The following DHX9 variants were observed in gnomAD, a reference collection of about 807,000 sequenced individuals.
DHX9 encodes DExH-box helicase 9.
In DHX9, 27 loss-of-function variants were observed where a neutral mutation model predicts 148.7. The ratio of observed to expected loss-of-function variants is 0.18; its 90% CI spans 0.13 to 0.25. The LOEUF is 0.25. DHX9 is among the 10% of genes least tolerant of loss of function. The pLI is 1.00. For synonymous variants in DHX9, 529 were observed against 516.6 expected (o/e 1.02, Z -0.33); for missense variants, 796 against 1,559.6 (o/e 0.51, Z 8.25).
chr1:182,874,393 G>C (rs1648673900), intron 15 of DHX9, among the ~76,000 whole-genome samples: 1 of 152,096 alleles, frequency 6.6e-6, no homozygotes, highest in African/African-American at 2.4e-5. Flanking sequence ...AGACATTCTG[G>C]GGCCATCTGA....
chr1:182,841,800 T>C (rs187799584), intron 1 of DHX9, among the ~76,000 whole-genome samples: 26 of 152,362 alleles, frequency 1.7e-4, no homozygotes, highest in South Asian at 4.1e-4. Flanking sequence ...CTCCATATCT[T>C]GTGGTATTTT....
In DHX9 at chr1:182,879,342, A is replaced by G; in HGVS notation, c.2444A>G (p.Gln815Arg). ...CTTCTGCGTCTAGGAGGAATTGGCC[A>G]ATTTCTGGCCAAAGCAATTGAACCT... is the stretch of plus-strand genomic sequence containing the variant. ...IKLLRLGGIG[Q>R]FLAKAIEPPP... Residue 815 changes from glutamine to arginine, a missense_variant, in exon 21 of 28, where the codon CAA becomes CGA. Physicochemically the swap from Gln to Arg is conservative, Grantham distance 43. This residue lies in a region of DHX9 where 122 missense variants were observed against 289.3 expected (regional missense o/e 0.42). Coordinates refer to ENST00000367549, the MANE Select transcript of DHX9 (RefSeq NM_001357.5). The G allele has an allele frequency of 2.6e-6, 4 of 1,548,666 alleles. No homozygotes were observed. Among genetic ancestry groups the G allele is most frequent in the Non-Finnish European group, 3.5e-6 (4 of 1,132,104 alleles).
intron 4 of DHX9, 79 bp downstream of exon 4, chr1:182,852,423 G>C (rs1360454862): frequency 9.5e-7 from 1 of 1,051,374 alleles, no homozygotes. Flanking sequence ...TCTCGTTTTG[G>C]GTAGAAAGAA....
At chr1:182,852,122 T>A in intron 3 of DHX9, 111 bp from the exon 4 acceptor site, 1 of 612,578 alleles carries the variant, frequency 1.6e-6, no homozygotes, top group Non-Finnish European at 2.9e-6. Context: ...AAGATGGTAA[T>A]ATTACAAAGA....
At chr1:182,840,235 G>A (rs1667895803) in intron 1 of DHX9, among the ~76,000 whole-genome samples, 2 of 150,790 alleles carry the variant, frequency 1.3e-5, no homozygotes, top group South Asian at 4.2e-4. Flanking sequence ...TTTTGAAGCA[G>A]AAATGCGTAG....
intron 22 of DHX9, 131 bp downstream of exon 22, chr1:182,880,739 C>G: frequency 3.2e-6 from 2 of 622,566 alleles, no homozygotes; most frequent in East Asian, 2.8e-5. Context: ...AAGTAACATA[C>G]CTAGATATTG....
chr1:182,867,551 C>T (rs1207684036), intron 14 of DHX9, among the ~76,000 whole-genome samples: 1 of 152,112 alleles, frequency 6.6e-6, no homozygotes, highest in Non-Finnish European at 1.5e-5. Context: ...TGCAGGTGCC[C>T]ACCACCATGC....
At chr1:182,844,755 G>A (rs1056588546) in intron 3 of DHX9, among the ~76,000 whole-genome samples, 8 of 152,120 alleles carry the variant, frequency 5.3e-5, no homozygotes, top group Admixed American at 3.9e-4. Flanking sequence ...GGCTGGTCTC[G>A]AACTCCTGAC....
At position 182,871,406 on chromosome 1, in the gene DHX9, C is replaced by G. The variant is rs142259755; in HGVS notation, c.1558-931C>G. 6.3e-3 allele frequency among the ~76,000 whole-genome samples: 959 copies of G among 152,238 alleles called. 12 individuals carry two copies. Among genetic ancestry groups the G allele is most frequent in the South Asian group, 0.056 (270 of 4,818 alleles). ...GGAGAGTATGTGGATCAGCAGGATCCCTTATCCACTGCTTATGGGGATATA... is the reference window on the plus strand; with the variant it reads ...GGAGAGTATGTGGATCAGCAGGATCGCTTATCCACTGCTTATGGGGATATA... On this transcript the variant is annotated intron_variant, in intron 14 of 27. Coordinates refer to ENST00000367549, the MANE Select transcript of DHX9 (RefSeq NM_001357.5).
Position 182,884,826 on chromosome 1 carries a change from A to AT in DHX9, c.3461+14dup. 1 of 1,613,326 alleles carries AT rather than the reference A, an allele frequency of 6.2e-7. No individual in the cohort carries two copies. Among genetic ancestry groups the AT allele is most frequent in the Non-Finnish European group, 8.5e-7 (1 of 1,179,254 alleles). ...TTGGCAGTACACGGTGAGTACCAAT[A>AT]TACTTCTTACTGAACCAAGTAGAGG... is the stretch of plus-strand genomic sequence containing the variant. On this transcript the variant is annotated intron_variant, in intron 27 of 27. Coordinates refer to ENST00000367549, the MANE Select transcript of DHX9 (RefSeq NM_001357.5).
intron 12 of DHX9, among the ~76,000 whole-genome samples, chr1:182,862,803 C>T (rs1018753521): frequency 6.6e-6 from 1 of 152,146 alleles, no homozygotes; most frequent in African/African-American, 2.4e-5. Flanking sequence ...TTCTAGAATA[C>T]TACAAAATAA....
intron 6 of DHX9, among the ~76,000 whole-genome samples, chr1:182,856,086 A>G (rs1460240913): frequency 6.6e-6 from 1 of 152,230 alleles, no homozygotes; most frequent in African/African-American, 2.4e-5. Flanking sequence ...GTTTGCGTAT[A>G]TTAGCTTAAT....
Position 182,887,674 on chromosome 1 carries a change from A to C in DHX9, c.*240A>C, listed in dbSNP as rs1571326567. ...AGTTTGTATTTTTTCTTTAAGGAGTAAAGATTTGCCTTTAAATAACTTGGT... is the reference window on the plus strand; with the variant it reads ...AGTTTGTATTTTTTCTTTAAGGAGTCAAGATTTGCCTTTAAATAACTTGGT... On this transcript the variant is annotated 3_prime_UTR_variant, in exon 28 of 28. Transcript: ENST00000367549. 2.3e-6 allele frequency: 1 copy of C among 436,632 alleles called. No individual in the cohort carries two copies. Among genetic ancestry groups the C allele is most frequent in the African/African-American group, 1.9e-5 (1 of 51,358 alleles). 27.0% of individuals were successfully genotyped at this position (436,632 alleles called of 1,614,324 possible).
chr1:182,860,928 C>G (rs1262845199), intron 12 of DHX9, among the ~76,000 whole-genome samples: 1 of 152,186 alleles, frequency 6.6e-6, no homozygotes, highest in African/African-American at 2.4e-5. Flanking sequence ...CAGGTACTAC[C>G]TCTGAGGTAG....
At chr1:182,881,679 A>G (rs1384292564) in intron 24 of DHX9, 32 bp downstream of exon 24, 5 of 1,563,392 alleles carry the variant, frequency 3.2e-6, no homozygotes, top group Non-Finnish European at 3.4e-6. Flanking sequence ...AGATATCTTT[A>G]AAGTGACATT....
chr1:182,852,124 T>C, intron 3 of DHX9, 109 bp from the exon 4 acceptor site: 2 of 619,542 alleles, frequency 3.2e-6, no homozygotes, highest in Non-Finnish European at 5.6e-6. Flanking sequence ...GATGGTAATA[T>C]TACAAAGAAA....
At chr1:182,872,588 T>G in intron 15 of DHX9, 95 bp downstream of exon 15, 1 of 1,316,360 alleles carries the variant, frequency 7.6e-7, no homozygotes, top group South Asian at 1.4e-5. Flanking sequence ...AAAGAATACT[T>G]AAAATACAGG....
chr1:182,880,358 T>C (rs776848297), intron 21 of DHX9, 139 bp from the exon 22 acceptor site: 3 of 539,132 alleles, frequency 5.6e-6, no homozygotes, highest in Admixed American at 3.3e-5. Context: ...AGAGAATTGT[T>C]GGCCGTAGAC....
At chr1:182,846,423 G>A (rs1432666910) in intron 3 of DHX9, among the ~76,000 whole-genome samples, 3 of 152,056 alleles carry the variant, frequency 2.0e-5, no homozygotes, top group African/African-American at 4.8e-5. Context: ...TAGTAGAGAC[G>A]GGGTTTCTCC....
Sources: allele counts gnomAD v4.1 joint callset (sites outside exome capture counted in the v4.1 genomes callset), GRCh38; gene constraint gnomAD v4.1.1; regional missense constraint gnomAD v4.1.1; transcripts MANE v1.5; gene names NCBI Gene and HGNC (gene_info 2026-07-23, HGNC 2026-07-21).